COL11A2: variants seen among roughly 807,000 people sequenced by gnomAD.
COL11A2 encodes the protein collagen alpha-2(XI) chain.
A neutral mutation model predicts 273.4 loss-of-function variants in COL11A2; 116 were observed. The ratio of observed to expected loss-of-function variants is 0.42; its 90% CI spans 0.36 to 0.49. The LOEUF (loss-of-function observed/expected upper bound fraction) is 0.49, where lower values mean the gene tolerates loss of function less well. Ranked by LOEUF, COL11A2 falls within the 20% of genes least tolerant of loss-of-function variation. COL11A2 has a pLI of 0.00. For synonymous variants in COL11A2, 782 were observed against 864.2 expected, an observed-to-expected ratio of 0.90 and a Z score of 1.67; for missense variants, 1,866 against 2,309.0, an observed-to-expected ratio of 0.81 and a Z score of 3.93.
chr6:33,171,684 G>C, intron 42 of COL11A2, 29 bp downstream of exon 42: 1 of 1,601,452 alleles, frequency 6.2e-7, no homozygotes, highest in South Asian at 1.1e-5. Context: ...CCCCTCCCCA[G>C]TACCCCTCCC....
chr6:33,181,973 T>G (rs1771792317), intron 8 of COL11A2, among the ~76,000 whole-genome samples: 1 of 152,310 alleles, frequency 6.6e-6, no homozygotes, highest in South Asian at 2.1e-4. Context: ...TGGACCCACA[T>G]GAGAACCTGA....
Position 33,170,541 on chromosome 6 carries a change from T to C in COL11A2, c.3528+16A>G, listed in dbSNP as rs1289964743. The C allele has an allele frequency of 6.2e-7, 1 of 1,611,932 alleles. No homozygotes were observed. Among genetic ancestry groups the C allele is most frequent in the African/African-American group, 1.3e-5 (1 of 74,736 alleles). On this transcript the variant is annotated intron_variant, in intron 47 of 65. Coordinates refer to ENST00000341947, the MANE Select transcript of COL11A2 (RefSeq NM_080680.3). The surrounding 1 kb of genome is among the most constrained non-coding windows in gnomAD (Gnocchi z 4.3). Reference sequence around the variant, plus strand: ...TGACTAGTATGGTGGCTAGGGTCAGTAGGGGTCACACTCACCATAGGACCC... The same window carrying C: ...TGACTAGTATGGTGGCTAGGGTCAGCAGGGGTCACACTCACCATAGGACCC...
At position 33,176,706 on chromosome 6, in the gene COL11A2, C is replaced by T. The variant is rs773945209; in HGVS notation, c.2115+15G>A. ...TGGAGACTCCCTCAGGGGATAAAGA[C>T]ATGGAAGATCTCACCTGGTTTCCTT... On this transcript the variant is annotated intron_variant, in intron 26 of 65. Coordinates refer to ENST00000341947, the MANE Select transcript of COL11A2 (RefSeq NM_080680.3). The surrounding 1 kb of genome is among the most constrained non-coding windows in gnomAD (Gnocchi z 4.9). The T allele has an allele frequency of 6.2e-7, 1 of 1,612,186 alleles. No individual in the cohort carries two copies. Among genetic ancestry groups the T allele is most frequent in the South Asian group, 1.1e-5 (1 of 90,554 alleles).
chr6:33,186,251 C>A (rs1772406742), intron 5 of COL11A2, among the ~76,000 whole-genome samples: 1 of 152,012 alleles, frequency 6.6e-6, no homozygotes, highest in African/African-American at 2.4e-5. Context: ...TCCCATTCCT[C>A]CTCCTTGGTC....
At position 33,173,061 on chromosome 6, in the gene COL11A2, T is replaced by C. The variant is rs1182915538; in HGVS notation, c.2789A>G (p.Gln930Arg). Residue 930 changes from glutamine (Q) to arginine (R), a missense_variant and splice_region_variant, in exon 38 of 66, where the codon CAG (glutamine) becomes CGG (arginine). Transcript: ENST00000341947. The surrounding 1 kb of genome is among the most constrained non-coding windows in gnomAD (Gnocchi z 6.3). ...PPGPPGVVGP[Q>R]GAAGETGPMG... is the part of the protein sequence containing the mutation. ...ATTCTCTCCTAGGGACAAACCTACC[T>C]GAGGTCCCACCACTCCTGGAGGACC... The C allele has an allele frequency of 6.2e-7, 1 of 1,612,446 alleles. No individual in the cohort carries two copies. The highest frequency in any genetic ancestry group is 2.2e-5 in the East Asian group (1 of 44,846).
rs1378701396 is a variant in COL11A2, at chr6:33,178,487, C to A, written c.1721G>T (p.Gly574Val). 6.2e-7 allele frequency: 1 copy of A among 1,612,930 alleles called. No individual in the cohort carries two copies. The highest frequency in any genetic ancestry group is 1.7e-5 in the Admixed American group (1 of 60,018). The change falls in exon 19 of 66, where the codon GGT becomes GTT. Residue 574 changes from glycine to valine, a missense_variant and splice_region_variant. Gly to Val is a moderately radical substitution (Grantham distance 109). Transcript: ENST00000341947. The surrounding 1 kb of genome is among the most constrained non-coding windows in gnomAD (Gnocchi z 4.6). ...PGLPGEKGHR[G>V]DTGAQGLPGP... Reference sequence around the variant, plus strand: ...AGGAAGGCCCTGGGCACCAGTATCACCCTGCAAAATGGGGGAACTCATAAG... The same window carrying A: ...AGGAAGGCCCTGGGCACCAGTATCAACCTGCAAAATGGGGGAACTCATAAG...
chr6:33,189,122 A>T lies in COL11A2; in HGVS notation c.299T>A (p.Leu100His). Reference protein sequence around the residue: ...VRTRPGLQAPLLTLYSAQGVR... With the variant: ...VRTRPGLQAPHLTLYSAQGVR... ...ACCCTGGGCACTGTAGAGAGTCAGGAGGGGAGCTTGGAGACCAGGGCGGGT... is the reference window on the plus strand; with the variant it reads ...ACCCTGGGCACTGTAGAGAGTCAGGTGGGGAGCTTGGAGACCAGGGCGGGT... Residue 100 changes from leucine (L) to histidine (H), a missense_variant, in exon 3 of 66, where the codon CTC (leucine) becomes CAC (histidine). Transcript: ENST00000341947. The surrounding 1 kb of genome is among the most constrained non-coding windows in gnomAD (Gnocchi z 5.6). 5.6e-6 allele frequency: 9 copies of T among 1,614,058 alleles called. No homozygotes were observed. The highest frequency in any genetic ancestry group is 7.6e-6 in the Non-Finnish European group (9 of 1,179,948).
chr6:33,174,136 T>G, intron 32 of COL11A2, 29 bp downstream of exon 32: 1 of 1,600,640 alleles, frequency 6.2e-7, no homozygotes, highest in Non-Finnish European at 8.5e-7. Flanking sequence ...AGCCCTTCCC[T>G]TCTCACGCCC....
At position 33,179,103 on chromosome 6, in the gene COL11A2, G is replaced by A. The variant is rs761760319; in HGVS notation, c.1581C>T (p.Leu527=). ...GCCCAGCCTTGCCAGGAGGGCCTGT[G>A]AGGCCCTGAGGTCCTCTGGGGCCCT... The part of the protein sequence containing the change: ...GPQGPRGPQG[L]TGPPGKAGRR... Residue 527 remains leucine, a synonymous_variant, in exon 16 of 66, where the codon CTC becomes CTT. Coordinates refer to ENST00000341947, the MANE Select transcript of COL11A2 (RefSeq NM_080680.3). The surrounding 1 kb of genome is among the most constrained non-coding windows in gnomAD (Gnocchi z 6.4). 7.4e-6 allele frequency: 12 copies of A among 1,613,828 alleles called. No individual in the cohort carries two copies. The highest frequency in any genetic ancestry group is 4.0e-5 in the African/African-American group (3 of 75,018).
At position 33,167,490 on chromosome 6, in the gene COL11A2, A is replaced by G; in HGVS notation, c.4058T>C (p.Val1353Ala). 1 of 1,612,412 alleles carries G rather than the reference A, an allele frequency of 6.2e-7. No homozygotes were observed. The highest frequency in any genetic ancestry group is 8.5e-7 in the Non-Finnish European group (1 of 1,179,902). The change falls in exon 56 of 66, where the codon GTG becomes GCG. Residue 1353 changes from valine to alanine, a missense_variant. By Grantham distance (64) the Val-to-Ala change is moderately conservative. Coordinates refer to ENST00000341947, the MANE Select transcript of COL11A2 (RefSeq NM_080680.3). This position sits in a 1 kb window ranked among gnomAD's most constrained non-coding sequence, Gnocchi z 6.1. Reference protein sequence around the residue: ...AIGAPGKTGPVGPAGPAGKPG... With the variant: ...AIGAPGKTGPAGPAGPAGKPG... ...TTTCCCTGCTGGGCCTGCAGGACCC[A>G]CCGGGCCTGTCTTCCCCGGGGCACC...
rs55726242 is a variant in COL11A2 at position 33,189,235 on chromosome 6, G to A, written c.233-47C>T. On this transcript the variant is annotated intron_variant, in intron 2 of 65. Transcript: ENST00000341947. The surrounding 1 kb of genome is among the most constrained non-coding windows in gnomAD (Gnocchi z 5.6). ...CACAGAGTGAGAGGCAAAGGGAGCC[G>A]CCACAACCCCTTTCCTCCTGGTGTC... 4.0e-3 allele frequency: 6,453 copies of A among 1,611,756 alleles called. 110 individuals carry two copies. Among genetic ancestry groups the A allele is most frequent in the South Asian group, 0.037 (3,343 of 90,932 alleles).
Position 33,176,064 on chromosome 6 carries a change from C to A in COL11A2, c.2220G>T (p.Glu740Asp), listed in dbSNP as rs202032297. The A allele has an allele frequency of 3.6e-5, 58 of 1,612,908 alleles. 1 individual carries two copies. The Admixed American group carries it at 9.3e-4, about 26-fold the overall frequency. ...GLKGHKGEKG[E>D]DGFPGFKGDI... ...CACCTTTGAACCCAGGAAAGCCATC[C>A]TCACCCTGAGAAAGATAGAGGTGAG... Residue 740 changes from glutamate (E) to aspartate (D), a missense_variant, in exon 29 of 66, where the codon GAG becomes GAT. By Grantham distance (45) the Glu-to-Asp change is conservative (BLOSUM62 2). Coordinates refer to ENST00000341947, the MANE Select transcript of COL11A2 (RefSeq NM_080680.3). The surrounding 1 kb of genome is among the most constrained non-coding windows in gnomAD (Gnocchi z 4.9).
Position 33,165,051 on chromosome 6 carries a change from A to C in COL11A2, c.4751-87T>G, listed in dbSNP as rs1397864811. ...GCCCCCACATTCCCTCTTCCCTCCC[A>C]GCCCTCCCCATCATGCTCTTAGTCT... On this transcript the variant is annotated intron_variant, in intron 63 of 65. Transcript: ENST00000341947. This position sits in a 1 kb window ranked among gnomAD's most constrained non-coding sequence, Gnocchi z 7.7. 2.1e-6 allele frequency: 2 copies of C among 971,930 alleles called. No individual in the cohort carries two copies. Among genetic ancestry groups the C allele is most frequent in the Non-Finnish European group, 3.2e-6 (2 of 630,860 alleles). 60.2% of individuals were successfully genotyped at this position (971,930 alleles called of 1,614,324 possible).
At position 33,170,729 on chromosome 6, in the gene COL11A2, C is replaced by T; in HGVS notation, c.3474+81G>A. The T allele has an allele frequency of 6.3e-7, 1 of 1,584,398 alleles. No individual in the cohort carries two copies. Among genetic ancestry groups the T allele is most frequent in the East Asian group, 2.2e-5 (1 of 44,674 alleles). On this transcript the variant is annotated intron_variant, in intron 46 of 65. Coordinates refer to ENST00000341947, the MANE Select transcript of COL11A2 (RefSeq NM_080680.3). This position sits in a 1 kb window ranked among gnomAD's most constrained non-coding sequence, Gnocchi z 4.3. ...CCGCAGGCCCTCCAGTCTGCATCGGCAGGCTGCTGGCAGAGTCTGGGGCAA... is the reference window on the plus strand; with the variant it reads ...CCGCAGGCCCTCCAGTCTGCATCGGTAGGCTGCTGGCAGAGTCTGGGGCAA...
Position 33,176,147 on chromosome 6 carries a change from G to A in COL11A2, c.2215-78C>T, listed in dbSNP as rs1305512877. 1.9e-6 allele frequency: 3 copies of A among 1,606,936 alleles called. No homozygotes were observed. The highest frequency in any genetic ancestry group is 1.7e-5 in the Admixed American group (1 of 59,974). On this transcript the variant is annotated intron_variant, in intron 28 of 65. Transcript: ENST00000341947. The surrounding 1 kb of genome is among the most constrained non-coding windows in gnomAD (Gnocchi z 4.9). Reference sequence around the variant, plus strand: ...TAATGGGAATTCTGAGAACATAGGTGGAAGCAGGGGCTCGGGAGCTGGACG... The same window carrying A: ...TAATGGGAATTCTGAGAACATAGGTAGAAGCAGGGGCTCGGGAGCTGGACG...
chr6:33,171,799 C>T lies in COL11A2; in HGVS notation c.3064G>A (p.Ala1022Thr), dbSNP rs1398107304. 21 of 1,612,856 alleles carry T rather than the reference C, an allele frequency of 1.3e-5. No homozygotes were observed. The highest frequency in any genetic ancestry group is 3.3e-5 in the Admixed American group (2 of 60,002). ...CCAATGGGTCCCCCTGATCCTGCTG[C>T]ACCTCGTTCCCCAGGGGAGCCCTGA... The part of the protein sequence containing the change: ...GPAGSPGERG[A>T]AGSGGPIGPP... The change falls in exon 42 of 66, where the codon GCA becomes ACA. Residue 1022 changes from alanine (A) to threonine (T), a missense_variant. By Grantham distance (58) the Ala-to-Thr change is moderately conservative. Transcript: ENST00000341947.
rs567782238 is a variant in COL11A2 at position 33,177,458 on chromosome 6, T to C, written c.1925A>G (p.Gln642Arg). ...PQGPKGSLGP[Q>R]GEPGPPGQQG... ...TTGTCCAGGAGGTCCTGGCTCTCCC[T>C]GGGGTCCCTAGAAACAGGTGACCAG... The change falls in exon 23 of 66, where the codon CAG (glutamine) becomes CGG (arginine). Residue 642 changes from glutamine (Q) to arginine (R), a missense_variant. Physicochemically the swap from Gln to Arg is conservative, Grantham distance 43. Transcript: ENST00000341947. The surrounding 1 kb of genome is among the most constrained non-coding windows in gnomAD (Gnocchi z 5.9). 5 of 1,612,920 alleles carry C rather than the reference T, an allele frequency of 3.1e-6. No homozygotes were observed. The South Asian group carries it at 3.3e-5, about 11-fold the overall frequency.
chr6:33,166,413 T>C lies in COL11A2; in HGVS notation c.4392+100A>G, dbSNP rs1769153395. The C allele has an allele frequency of 7.7e-6, 11 of 1,434,478 alleles. No homozygotes were observed. Among genetic ancestry groups the C allele is most frequent in the Admixed American group, 1.8e-5 (1 of 55,684 alleles). 88.9% of individuals were successfully genotyped at this position (1,434,478 alleles called of 1,614,324 possible). On this transcript the variant is annotated intron_variant, in intron 60 of 65. Transcript: ENST00000341947. The surrounding 1 kb of genome is among the most constrained non-coding windows in gnomAD (Gnocchi z 4.8). ...GACAAATGGGGGACCCTGAGGACTA[T>C]GCTTGTTAGGCTGGTAGTTCCATGG...
Position 33,176,004 on chromosome 6 carries a change from G to A in COL11A2, c.2268+12C>T, listed in dbSNP as rs546303651. 8 of 1,612,962 alleles carry A rather than the reference G, an allele frequency of 5.0e-6. No homozygotes were observed. The East Asian group carries it at 1.3e-4, about 27-fold the overall frequency. On this transcript the variant is annotated intron_variant, in intron 29 of 65. Coordinates refer to ENST00000341947, the MANE Select transcript of COL11A2 (RefSeq NM_080680.3). This position sits in a 1 kb window ranked among gnomAD's most constrained non-coding sequence, Gnocchi z 4.9. The stretch of plus-strand genomic sequence containing the variant: ...AACACGGAATTGGGGCCAGTGTGGG[G>A]TCTCTACTCACCCTGTCACCTTTCA...
Sources: gnomAD v4.1 joint callset for allele counts (sites outside exome capture counted in the v4.1 genomes callset) on GRCh38, gnomAD v4.1.1 for gene constraint, Gnocchi (gnomAD v3.1) non-coding constraint, MANE v1.5 for transcripts, NCBI Gene and HGNC (gene_info 2026-07-23, HGNC 2026-07-21) for gene names.